Variants in PCDH11X observed in about 807,000 individuals in gnomAD.
PCDH11X encodes protocadherin 11 X-linked.
Under a neutral mutation model 53.3 loss-of-function variants are expected in PCDH11X, and 18 were observed. That is an observed-to-expected ratio of 0.34 (90% CI 0.23 to 0.50). The LOEUF is 0.50. PCDH11X is among the 20% of genes least tolerant of loss of function. The pLI is 0.98. For missense variants in PCDH11X, 570 were observed against 1,032.4 expected (o/e 0.55, Z 6.14); for synonymous variants, 279 against 393.3 (o/e 0.71, Z 3.44).
chrX:92,094,976 G>T (rs1432571080), intron 6 of PCDH11X, among the ~76,000 whole-genome samples: 2 of 110,929 alleles, frequency 1.8e-5, no homozygotes, highest in Non-Finnish European at 3.8e-5. Context: ...CAAGAACAAA[G>T]GCCCTTCATT....
chrX:92,102,649 C>G (rs966065620), intron 6 of PCDH11X, among the ~76,000 whole-genome samples: 1 of 111,410 alleles, frequency 9.0e-6, no homozygotes, highest in Non-Finnish European at 1.9e-5. Flanking sequence ...TGAGCCTAAT[C>G]GGTGTCAGGG....
chrX:92,045,612 T>C (rs1359631402), intron 6 of PCDH11X, among the ~76,000 whole-genome samples: 1 of 104,723 alleles, frequency 9.5e-6, no homozygotes, highest in Non-Finnish European at 1.9e-5. Flanking sequence ...AAGAGTTCAG[T>C]TGACATTTAC....
intron 5 of PCDH11X, among the ~76,000 whole-genome samples, chrX:91,849,212 T>C (rs1340894311): frequency 8.9e-6 from 1 of 111,733 alleles, no homozygotes; most frequent in East Asian, 2.8e-4. Context: ...AATTTTAGAG[T>C]AATGATGTTG....
chrX:92,327,038 G>A (rs1322816740), intron 8 of PCDH11X, among the ~76,000 whole-genome samples: 1 of 108,737 alleles, frequency 9.2e-6, no homozygotes, highest in African/African-American at 3.4e-5. Context: ...ATAATTGCAT[G>A]CTTTCAAAGG....
intron 10 of PCDH11X, among the ~76,000 whole-genome samples, chrX:92,478,675 G>A (rs1246398445): frequency 9.0e-6 from 1 of 110,883 alleles, no homozygotes; most frequent in Non-Finnish European, 1.9e-5. Context: ...CCATTTAATT[G>A]TATGGTTGTG....
At chrX:92,556,570 AGAGGTG>A (rs2075049023) in intron 10 of PCDH11X, among the ~76,000 whole-genome samples, 1 of 112,073 alleles carries the variant, frequency 8.9e-6, no homozygotes, top group Admixed American at 9.4e-5. Context: ...CACTGATGCA[AGAGGTG>A]GACTCTCATG....
At chrX:92,003,634 A>G (rs2062549235) in intron 6 of PCDH11X, among the ~76,000 whole-genome samples, 2 of 98,888 alleles carry the variant, frequency 2.0e-5, no homozygotes, top group South Asian at 1.0e-3. Flanking sequence ...TTGTATGTAT[A>G]CATGAATTTG....
intron 10 of PCDH11X, among the ~76,000 whole-genome samples, chrX:92,580,751 G>A (rs1415504605): frequency 8.9e-6 from 1 of 111,945 alleles, no homozygotes; most frequent in Non-Finnish European, 1.9e-5. Context: ...GGCCCTGGTA[G>A]CCTGGGCTCA....
At chrX:92,156,683 C>A (rs2065542369) in intron 6 of PCDH11X, among the ~76,000 whole-genome samples, 1 of 112,011 alleles carries the variant, frequency 8.9e-6, no homozygotes, top group African/African-American at 3.2e-5. Context: ...AACTTATACC[C>A]CGTTCTTACA....
intron 10 of PCDH11X, among the ~76,000 whole-genome samples, chrX:92,519,514 C>T (rs1204773133): frequency 9.3e-6 from 1 of 107,095 alleles, no homozygotes; most frequent in Non-Finnish European, 1.9e-5. Flanking sequence ...TCATTAGTGA[C>T]TATGAACTCA....
At chrX:91,840,068 G>C (rs1937467871) in intron 5 of PCDH11X, among the ~76,000 whole-genome samples, 1 of 110,624 alleles carries the variant, frequency 9.0e-6, no homozygotes, top group African/African-American at 3.3e-5. Context: ...TTTTGACAGG[G>C]AAGCCAACAT....
In PCDH11X at chrX:91,877,744, A is replaced by C. The variant is rs750222866; in HGVS notation, c.1504A>C (p.Asn502His). ...DADSGPNAKI[N>H]YLLGPDAPPE... is the part of the protein sequence containing the mutation. ...AGACAGTGGGCCTAATGCTAAGATC[A>C]ATTACCTGCTAGGCCCTGATGCTCC... is the stretch of plus-strand genomic sequence containing the variant. The change falls in exon 6 of 11, where the codon AAT becomes CAT. Residue 502 changes from asparagine to histidine, a missense_variant. Asn to His is a moderately conservative substitution (Grantham distance 68). Coordinates refer to ENST00000682573, the MANE Select transcript of PCDH11X (RefSeq NM_032968.5). The C allele has an allele frequency of 8.3e-7, 1 of 1,211,674 alleles. No individual in the cohort carries two copies. The highest frequency in any genetic ancestry group is 1.8e-5 in the South Asian group (1 of 56,978).
chrX:91,905,704 T>G (rs1213767533), intron 6 of PCDH11X, among the ~76,000 whole-genome samples: 2 of 111,632 alleles, frequency 1.8e-5, no homozygotes, highest in Non-Finnish European at 3.8e-5. Flanking sequence ...CTTTTTGTGG[T>G]TTTTTTCCTC....
chrX:91,970,464 G>A (rs1471863208), intron 6 of PCDH11X, among the ~76,000 whole-genome samples: 2 of 111,177 alleles, frequency 1.8e-5, no homozygotes, highest in Admixed American at 9.6e-5. Context: ...TACCCGATTA[G>A]TTAGACACAG....
At chrX:91,985,785 G>A (rs2062219526) in intron 6 of PCDH11X, among the ~76,000 whole-genome samples, 1 of 111,685 alleles carries the variant, frequency 9.0e-6, no homozygotes. Context: ...AAAACTAGCA[G>A]AAATCCACAT....
At chrX:92,255,274 C>T (rs1039108753) in intron 7 of PCDH11X, among the ~76,000 whole-genome samples, 2 of 102,768 alleles carry the variant, frequency 1.9e-5, no homozygotes, top group African/African-American at 3.5e-5. Flanking sequence ...GTTCTCGAGC[C>T]TTGGTTTTCA....
chrX:92,453,178 A>C (rs2072835662), intron 9 of PCDH11X, among the ~76,000 whole-genome samples: 1 of 105,745 alleles, frequency 9.5e-6, no homozygotes, highest in African/African-American at 3.5e-5. Flanking sequence ...TAGAGAACAA[A>C]TGAATTCCTT....
Position 91,824,161 on chromosome X carries a change from G to T in PCDH11X, c.-44-11300G>T, listed in dbSNP as rs1173839503. Reference sequence around the variant, plus strand: ...TCTGACAATTATGTGTCTTGGAGTTGCTCTTCTCGAGGAGTATCTTTGTGG... The same window carrying T: ...TCTGACAATTATGTGTCTTGGAGTTTCTCTTCTCGAGGAGTATCTTTGTGG... On this transcript the variant is annotated intron_variant, in intron 4 of 10. Coordinates refer to ENST00000682573, the MANE Select transcript of PCDH11X (RefSeq NM_032968.5). Among the ~76,000 whole-genome samples the T allele has an allele frequency of 2.7e-5, 3 of 110,819 alleles. No homozygotes were observed. In the Admixed American group the frequency reaches 2.9e-4, roughly 11 times the overall value.
intron 10 of PCDH11X, among the ~76,000 whole-genome samples, chrX:92,492,046 A>G (rs945597550): frequency 4.5e-5 from 5 of 111,697 alleles, no homozygotes; most frequent in African/African-American, 1.6e-4. Flanking sequence ...AATATGCACT[A>G]ATCGGAAAAC....
Sources: allele counts gnomAD v4.1 joint callset (sites outside exome capture counted in the v4.1 genomes callset), GRCh38; gene constraint gnomAD v4.1.1; transcripts MANE v1.5; gene names NCBI Gene and HGNC (gene_info 2026-07-23, HGNC 2026-07-21).